The following ASB9 variants were observed in gnomAD, a reference collection of about 807,000 sequenced individuals.
The protein encoded by ASB9 is ankyrin repeat and SOCS box protein 9.
ASB9 carries 5 observed loss-of-function variants against 16.6 expected under a neutral mutation model. The ratio of observed to expected loss-of-function variants is 0.30; its 90% CI spans 0.16 to 0.63. The LOEUF (loss-of-function observed/expected upper bound fraction) is 0.63, where lower values mean the gene tolerates loss of function less well. Among genes scored for constraint, ASB9 ranks in the 30% least tolerant of loss-of-function variants. The probability of loss-of-function intolerance (pLI) is 0.82; values close to 1 mark genes in which losing one functional copy is unlikely to be tolerated. For missense variants in ASB9, 216 were observed against 229.4 expected (o/e 0.94, Z 0.38); for synonymous variants, 100 against 86.4 (o/e 1.16, Z -0.87).
At chrX:15,249,409 A>G (rs1319598156) in intron 5 of ASB9, among the ~76,000 whole-genome samples, 3 of 112,271 alleles carry the variant, frequency 2.7e-5, no homozygotes, top group African/African-American at 9.7e-5. Context: ...CAACCAACTC[A>G]TGGGGGTATC....
At chrX:15,245,004 A>C (rs144240680) in intron 6 of ASB9, among the ~76,000 whole-genome samples, 1,313 of 112,203 alleles carry the variant, frequency 0.012, 8 homozygotes, top group Middle Eastern at 0.018. Flanking sequence ...GCATATTTCT[A>C]GATGCAAACA....
chrX:15,263,624 C>G (rs1254131100), intron 1 of ASB9, among the ~76,000 whole-genome samples: 2 of 108,280 alleles, frequency 1.8e-5, no homozygotes, highest in Non-Finnish European at 3.8e-5. Flanking sequence ...ATAAAGCTGC[C>G]TTCTCCAAAG....
At chrX:15,265,827 G>A (rs1283660176) in intron 1 of ASB9, among the ~76,000 whole-genome samples, 14 of 104,317 alleles carry the variant, frequency 1.3e-4, no homozygotes, top group Non-Finnish European at 2.5e-4. Context: ...TTTTGAGACA[G>A]AGTTTCACTC....
intron 1 of ASB9, among the ~76,000 whole-genome samples, chrX:15,266,262 A>C (rs780104471): frequency 8.9e-6 from 1 of 112,114 alleles, no homozygotes; most frequent in Non-Finnish European, 1.9e-5. Context: ...TCTGTATTTC[A>C]ATAAGCTCTC....
chrX:15,254,679 G>T, intron 3 of ASB9, 58 bp downstream of exon 3: 1 of 893,577 alleles, frequency 1.1e-6, no homozygotes, highest in Non-Finnish European at 1.6e-6. Context: ...ATTCAGAAGG[G>T]ATATACATAG....
In ASB9 at chrX:15,252,351, G is replaced by A. The variant is rs758887186; in HGVS notation, c.336C>T (p.Ser112=). The A allele has an allele frequency of 5.8e-6, 7 of 1,209,150 alleles. No individual in the cohort carries two copies. The highest frequency in any genetic ancestry group is 6.7e-6 in the Non-Finnish European group (6 of 894,795). ...GCAAATTCACACAATCCCAGCTGCC[G>A]CTGACACAAGCATTAAACAGTGGAG... ...WHTPLFNACV[S]GSWDCVNLLL... is the part of the protein sequence containing the mutation. The change falls in exon 4 of 7, where the codon AGC becomes AGT. Residue 112 remains serine (S), a synonymous_variant. Coordinates refer to ENST00000380488, the MANE Select transcript of ASB9 (RefSeq NM_001031739.3).
chrX:15,268,453 G>A (rs1926723379), intron 1 of ASB9, among the ~76,000 whole-genome samples: 1 of 101,261 alleles, frequency 9.9e-6, no homozygotes, highest in Non-Finnish European at 2.0e-5. Flanking sequence ...TTGATACGGA[G>A]TCTCACTCTG....
chrX:15,262,468 G>C (rs1036721140), intron 1 of ASB9, among the ~76,000 whole-genome samples: 8 of 112,156 alleles, frequency 7.1e-5, no homozygotes, highest in Non-Finnish European at 1.5e-4. Flanking sequence ...GTCACAGTAT[G>C]CCTATGCTCC....
At chrX:15,268,591 A>C (rs1316534487) in intron 1 of ASB9, among the ~76,000 whole-genome samples, 1 of 105,095 alleles carries the variant, frequency 9.5e-6, no homozygotes, top group Non-Finnish European at 2.0e-5. Context: ...ACACCCAGCT[A>C]ATTTTTGTAT....
At chrX:15,247,231 C>T (rs1247484115) in intron 6 of ASB9, among the ~76,000 whole-genome samples, 2 of 111,851 alleles carry the variant, frequency 1.8e-5, no homozygotes, top group East Asian at 5.6e-4. Context: ...CACCAAAACC[C>T]CAAAATTGAC....
chrX:15,269,793 G>T lies in ASB9; in HGVS notation c.82C>A (p.Pro28Thr). The change falls in exon 1 of 7, where the codon CCA becomes ACA. Residue 28 changes from proline (P) to threonine (T), a missense_variant. By Grantham distance (38) the Pro-to-Thr change is conservative (BLOSUM62 -1). Coordinates refer to ENST00000380488, the MANE Select transcript of ASB9 (RefSeq NM_001031739.3). ...CCCTATGACTCACCGCCCATCAATG[G>T]GTTTGAAAGAAGCCTGATGCCAGGA... ...DFPGIRLLSN[P>T]LMGDAVSDWS... 8.3e-7 allele frequency: 1 copy of T among 1,207,242 alleles called. No homozygotes were observed.
chrX:15,263,003 T>C (rs1252952821), intron 1 of ASB9, among the ~76,000 whole-genome samples: 1 of 112,436 alleles, frequency 8.9e-6, no homozygotes, highest in East Asian at 2.8e-4. Context: ...CAAGAACTTA[T>C]CTTTCTTTTA....
At position 15,244,358 on chromosome X, in the gene ASB9, C is replaced by G; in HGVS notation, c.*148G>C. ...TACAAATTGAATAGAAAAAATTAGT[C>G]AAACTCCATAAACAAGTTTATAACA... On this transcript the variant is annotated 3_prime_UTR_variant, in exon 7 of 7. Transcript: ENST00000380488. The G allele has an allele frequency of 1.4e-6, 1 of 704,199 alleles. No homozygotes were observed. 58.0% of individuals were successfully genotyped at this position (704,199 alleles called of 1,213,427 possible). A position where few individuals can be genotyped will look rare whatever the true frequency, so the allele number is the denominator to read the frequency against.
At chrX:15,259,098 C>T (rs1219661078) in intron 1 of ASB9, 153 bp from the exon 2 acceptor site, 1 of 379,731 alleles carries the variant, frequency 2.6e-6, no homozygotes, top group Admixed American at 4.5e-5. Context: ...CAGCATTTCT[C>T]TTCTTTATTA....
chrX:15,253,669 G>A (rs751801626), intron 3 of ASB9, among the ~76,000 whole-genome samples: 2 of 112,076 alleles, frequency 1.8e-5, no homozygotes, highest in African/African-American at 6.5e-5. Context: ...TAATCTTTGA[G>A]GCTATCTTTT....
chrX:15,265,223 C>A lies in ASB9; in HGVS notation c.94+4558G>T, dbSNP rs759347053. ...TGTGATCGTTCCTAAGTCTCAGTCC[C>A]ATGTCATCATACTGTGCACTGGGCA... On this transcript the variant is annotated intron_variant, in intron 1 of 6. Transcript: ENST00000380488. 1.8e-4 allele frequency among the ~76,000 whole-genome samples: 20 copies of A among 111,581 alleles called. No homozygotes were observed. In the East Asian group the frequency reaches 5.4e-3, roughly 30 times the overall value.
intron 1 of ASB9, among the ~76,000 whole-genome samples, chrX:15,267,227 G>A (rs1298408617): frequency 9.4e-6 from 1 of 106,286 alleles, no homozygotes; most frequent in East Asian, 2.9e-4. Flanking sequence ...GTGAAACCCC[G>A]TCTCTACTAA....
At chrX:15,255,676 C>T (rs984568513) in intron 2 of ASB9, among the ~76,000 whole-genome samples, 1 of 111,467 alleles carries the variant, frequency 9.0e-6, no homozygotes, top group Admixed American at 9.6e-5. Flanking sequence ...TTAAAGTCAG[C>T]GTGGCCCAAA....
intron 2 of ASB9, among the ~76,000 whole-genome samples, chrX:15,255,362 A>C (rs1035867412): frequency 8.9e-6 from 1 of 112,094 alleles, no homozygotes; most frequent in African/African-American, 3.2e-5. Context: ...ACATCAATTT[A>C]AAGTTCAAAA....
Sources: gnomAD v4.1 joint callset for allele counts (sites outside exome capture counted in the v4.1 genomes callset) on GRCh38, gnomAD v4.1.1 for gene constraint, MANE v1.5 for transcripts, NCBI Gene and HGNC (gene_info 2026-07-23, HGNC 2026-07-21) for gene names.